Variants in FRMD4A observed in about 807,000 individuals in gnomAD.
FRMD4A encodes FERM domain-containing protein 4A.
In FRMD4A, 29 loss-of-function variants were observed where a neutral mutation model predicts 129.1. The observed-to-expected ratio is 0.22, with a 90% CI of 0.17 to 0.31. The LOEUF (loss-of-function observed/expected upper bound fraction) is 0.31, where lower values mean the gene tolerates loss of function less well. Among genes scored for constraint, FRMD4A ranks in the 10% least tolerant of loss-of-function variants. The pLI is 1.00. For synonymous variants in FRMD4A, 634 were observed against 571.6 expected (o/e 1.11, Z -1.56); for missense variants, 1,272 against 1,375.8 (o/e 0.92, Z 1.19).
At chr10:13,672,777 A>C (rs374819566) in intron 16 of FRMD4A, among the ~76,000 whole-genome samples, 1 of 152,156 alleles carries the variant, frequency 6.6e-6, no homozygotes, top group African/African-American at 2.4e-5. Flanking sequence ...CTCTGAGCTG[A>C]GGGGAGAGAT....
At chr10:14,173,712 C>T (rs1388258104) in intron 2 of FRMD4A, among the ~76,000 whole-genome samples, 2 of 152,110 alleles carry the variant, frequency 1.3e-5, no homozygotes, top group Admixed American at 1.3e-4. Context: ...GGCTGCACGG[C>T]CCCAAAGCAA....
chr10:14,031,380 G>A (rs1166089535), intron 2 of FRMD4A, among the ~76,000 whole-genome samples: 1 of 151,764 alleles, frequency 6.6e-6, no homozygotes, highest in Non-Finnish European at 1.5e-5. Context: ...TGATTCTCCT[G>A]CCTTAGCCTC....
At chr10:13,982,489 G>A (rs1181459936) in intron 2 of FRMD4A, among the ~76,000 whole-genome samples, 2 of 136,686 alleles carry the variant, frequency 1.5e-5, no homozygotes, top group Non-Finnish European at 1.5e-5. Flanking sequence ...GGGAGGGGAG[G>A]GGAGGGGAGG....
At chr10:13,966,089 G>A (rs1979335) in intron 2 of FRMD4A, among the ~76,000 whole-genome samples, 84,200 of 151,798 alleles carry the variant, frequency 0.55, 23,834 homozygotes, top group African/African-American at 0.64. Context: ...GGCTCACTGC[G>A]ACCTCTCGAA....
chr10:13,994,175 A>ATTTTTT (rs549621959), intron 2 of FRMD4A, among the ~76,000 whole-genome samples: 3 of 101,972 alleles, frequency 2.9e-5, no homozygotes, highest in African/African-American at 4.3e-5. Context: ...CGCCCAGCTA[A>ATTTTTT]TTTTTTTTTT....
chr10:14,243,547 AT>A (rs1844125928), intron 2 of FRMD4A, among the ~76,000 whole-genome samples: 1 of 152,182 alleles, frequency 6.6e-6, no homozygotes, highest in Non-Finnish European at 1.5e-5. Flanking sequence ...ACAACCAGTC[AT>A]AAAAAGGCAA....
chr10:13,941,927 G>C (rs2095295632), intron 2 of FRMD4A, among the ~76,000 whole-genome samples: 1 of 152,100 alleles, frequency 6.6e-6, no homozygotes, highest in African/African-American at 2.4e-5. Context: ...TTTTACCCTG[G>C]TCTGGAACTG....
intron 8 of FRMD4A, among the ~76,000 whole-genome samples, chr10:13,756,457 G>C (rs1371323758): frequency 6.6e-6 from 1 of 152,196 alleles, no homozygotes; most frequent in Non-Finnish European, 1.5e-5. Flanking sequence ...TGCCTCCTGG[G>C]ATCAAGCAAT....
At chr10:13,867,618 TATATG>T (rs1176852480) in intron 2 of FRMD4A, among the ~76,000 whole-genome samples, 1 of 14,426 alleles carries the variant, frequency 6.9e-5, no homozygotes, top group Non-Finnish European at 1.5e-4. Context: ...TATTATAATG[TATATG>T]ATATAATTAT....
intron 2 of FRMD4A, among the ~76,000 whole-genome samples, chr10:13,974,978 T>C (rs2095536273): frequency 1.6e-5 from 2 of 128,450 alleles, no homozygotes; most frequent in African/African-American, 5.7e-5. Flanking sequence ...CAATTCACTA[T>C]AGGTGTGTGT....
At chr10:13,918,975 A>G (rs1411901194) in intron 2 of FRMD4A, among the ~76,000 whole-genome samples, 1 of 152,132 alleles carries the variant, frequency 6.6e-6, no homozygotes, top group Non-Finnish European at 1.5e-5. Flanking sequence ...GCTGATTTAC[A>G]GGCATCTGTG....
chr10:14,012,811 G>C (rs1445621681), intron 2 of FRMD4A, among the ~76,000 whole-genome samples: 4 of 152,188 alleles, frequency 2.6e-5, no homozygotes, highest in Admixed American at 2.6e-4. Flanking sequence ...ATTACCACTA[G>C]TGAGGCTGGC....
intron 2 of FRMD4A, among the ~76,000 whole-genome samples, chr10:14,273,674 C>T (rs1031997402): frequency 5.9e-5 from 9 of 152,040 alleles, no homozygotes; most frequent in Admixed American, 3.9e-4. Flanking sequence ...GAGCTCTAAT[C>T]TCCACACACC....
intron 2 of FRMD4A, among the ~76,000 whole-genome samples, chr10:13,932,645 G>C (rs2095211346): frequency 6.6e-6 from 1 of 152,126 alleles, no homozygotes; most frequent in East Asian, 1.9e-4. Context: ...ACTACTCCCT[G>C]GGACTTACAG....
intron 2 of FRMD4A, among the ~76,000 whole-genome samples, chr10:13,912,872 G>A (rs1236574173): frequency 2.6e-5 from 4 of 151,798 alleles, no homozygotes; most frequent in East Asian, 3.9e-4. Context: ...TCAGGAGTTC[G>A]AGACCATCCT....
intron 16 of FRMD4A, among the ~76,000 whole-genome samples, chr10:13,672,945 C>T (rs550125662): frequency 6.6e-6 from 1 of 152,328 alleles, no homozygotes; most frequent in South Asian, 2.1e-4. Flanking sequence ...GTTACATTTT[C>T]TGGTGTTAAC....
intron 2 of FRMD4A, among the ~76,000 whole-genome samples, chr10:14,092,197 G>A (rs955405009): frequency 1.3e-5 from 2 of 151,710 alleles, no homozygotes; most frequent in African/African-American, 4.8e-5. Context: ...ATACTGAACC[G>A]GCTACTAGGG....
chr10:13,846,098 A>C (rs1241397194), intron 3 of FRMD4A, among the ~76,000 whole-genome samples: 1 of 152,242 alleles, frequency 6.6e-6, no homozygotes, highest in Non-Finnish European at 1.5e-5. Flanking sequence ...ATGACTCAGC[A>C]CATATTAAAC....
intron 3 of FRMD4A, among the ~76,000 whole-genome samples, chr10:13,835,280 G>A (rs1222873520): frequency 6.6e-6 from 1 of 152,138 alleles, no homozygotes; most frequent in East Asian, 1.9e-4. Flanking sequence ...TTTATCCTAC[G>A]GTTGTCCTCA....
Sources: allele counts gnomAD v4.1 joint callset (sites outside exome capture counted in the v4.1 genomes callset), GRCh38; gene constraint gnomAD v4.1.1; transcripts MANE v1.5; gene names NCBI Gene and HGNC (gene_info 2026-07-23, HGNC 2026-07-21).